ESRRG: variants seen among roughly 807,000 people sequenced by gnomAD.
The protein encoded by ESRRG is estrogen-related receptor gamma.
ESRRG carries 13 observed loss-of-function variants against 44.0 expected under a neutral mutation model. That is an observed-to-expected ratio of 0.30 (90% CI 0.19 to 0.47). The LOEUF (loss-of-function observed/expected upper bound fraction) is 0.47, where lower values mean the gene tolerates loss of function less well. Ranked by LOEUF, ESRRG falls within the 20% of genes least tolerant of loss-of-function variation. The pLI is 1.00. For synonymous variants in ESRRG, 215 were observed against 214.6 expected, an observed-to-expected ratio of 1.00 and a Z score of -0.02; for missense variants, 395 against 580.6, an observed-to-expected ratio of 0.68 and a Z score of 3.29.
intron 2 of ESRRG, among the ~76,000 whole-genome samples, chr1:216,772,010 A>C (rs555902860): frequency 6.6e-5 from 10 of 152,050 alleles, no homozygotes; most frequent in African/African-American, 1.9e-4. Context: ...TGAAGAGGAG[A>C]TGGCATCAGC....
chr1:216,810,266 T>C lies in ESRRG; in HGVS notation c.-14+129316A>G, dbSNP rs550867596. On this transcript the variant is annotated intron_variant, in intron 2 of 7. Transcript: ENST00000359162. ...AATGGCAGAAACGCTTGGCCCTTTT[T>C]TCTATGCCATCTATTCCTTTTGCTC... 3.3e-5 allele frequency among the ~76,000 whole-genome samples: 5 copies of C among 152,286 alleles called. No homozygotes were observed. In the East Asian group the frequency reaches 9.7e-4, roughly 29 times the overall value.
intron 1 of ESRRG, among the ~76,000 whole-genome samples, chr1:217,026,912 C>CACAGAGAGAG (rs1255637839): frequency 1.1e-4 from 10 of 93,470 alleles, no homozygotes; most frequent in African/African-American, 3.2e-4. Flanking sequence ...CACACACACA[C>CACAGAGAGAG]AGAGAGAGAG....
intron 1 of ESRRG, among the ~76,000 whole-genome samples, chr1:216,982,160 T>C (rs768304924): frequency 5.9e-5 from 9 of 152,156 alleles, no homozygotes; most frequent in Non-Finnish European, 1.3e-4. Flanking sequence ...TTACATCAAG[T>C]GTGTAACAGC....
chr1:216,630,018 G>A (rs891914698), intron 3 of ESRRG, among the ~76,000 whole-genome samples: 4 of 152,040 alleles, frequency 2.6e-5, no homozygotes, highest in South Asian at 4.1e-4. Context: ...AATTACCCAC[G>A]AAAATGAAAA....
intron 1 of ESRRG, among the ~76,000 whole-genome samples, chr1:217,068,456 G>A (rs549399239): frequency 6.6e-5 from 10 of 151,598 alleles, no homozygotes; most frequent in Middle Eastern, 6.8e-3. Flanking sequence ...TCCAAGACTG[G>A]AATCTCTAAG....
At chr1:216,643,344 G>A (rs10863260) in intron 3 of ESRRG, among the ~76,000 whole-genome samples, 36,310 of 151,974 alleles carry the variant, frequency 0.24, 4,474 homozygotes, top group East Asian at 0.39. Context: ...CAGAACATCT[G>A]GACAACTAAT....
intron 1 of ESRRG, among the ~76,000 whole-genome samples, chr1:216,964,287 G>A (rs1183362443): frequency 1.3e-5 from 2 of 152,138 alleles, no homozygotes; most frequent in East Asian, 3.9e-4. Flanking sequence ...AACTGCATGT[G>A]GAAGGGATCA....
At chr1:217,116,165 T>C (rs1433920601) in intron 1 of ESRRG, among the ~76,000 whole-genome samples, 2 of 152,188 alleles carry the variant, frequency 1.3e-5, no homozygotes, top group African/African-American at 4.8e-5. Flanking sequence ...ATAGATAAAA[T>C]AGATTAAGAT....
At chr1:216,511,633 T>C (rs1189955650) in intron 6 of ESRRG, among the ~76,000 whole-genome samples, 1 of 151,226 alleles carries the variant, frequency 6.6e-6, no homozygotes, top group Non-Finnish European at 1.5e-5. Context: ...GCAGATGATG[T>C]TGGCCTAGGA....
intron 2 of ESRRG, among the ~76,000 whole-genome samples, chr1:216,842,370 C>T (rs568069391): frequency 3.3e-5 from 5 of 152,204 alleles, no homozygotes; most frequent in South Asian, 2.1e-4. Context: ...CCTGTGCTTG[C>T]GTGGCACTCA....
chr1:216,865,191 A>AAG, intron 2 of ESRRG: 1 of 63,294 alleles, frequency 1.6e-5, no homozygotes, highest in Non-Finnish European at 4.1e-5. Context: ...GTGCAGCAAA[A>AAG]AAAAAAAAAA....
rs1328244187 is a variant in ESRRG, at chr1:216,723,192, C to A, written c.56+52G>T. On this transcript the variant is annotated intron_variant, in intron 1 of 6. Coordinates refer to ENST00000408911, the MANE Select transcript of ESRRG (RefSeq NM_001438.4). ...TGTAAAGATATAGTCTGTCCGCCCCCACCCCCGCACCCCCACGACGAGTTT... is the reference window on the plus strand; with the variant it reads ...TGTAAAGATATAGTCTGTCCGCCCCAACCCCCGCACCCCCACGACGAGTTT... The A allele has an allele frequency of 7.5e-6, 11 of 1,461,188 alleles. No individual in the cohort carries two copies. In the Middle Eastern group the frequency reaches 5.2e-4, roughly 69 times the overall value. The allele number at this position is 1,461,188 out of a possible 1,614,324, so 90.5% of individuals were successfully genotyped here. A position where few individuals can be genotyped will look rare whatever the true frequency, so the allele number is the denominator to read the frequency against.
chr1:216,531,877 T>C, intron 5 of ESRRG, among the ~76,000 whole-genome samples: 1 of 152,096 alleles, frequency 6.6e-6, no homozygotes. Flanking sequence ...CATTTACCTT[T>C]GTATCCCACC....
chr1:217,110,905 G>A (rs1394371466), intron 1 of ESRRG, among the ~76,000 whole-genome samples: 1 of 152,098 alleles, frequency 6.6e-6, no homozygotes, highest in Non-Finnish European at 1.5e-5. Flanking sequence ...TGTCTTTTCG[G>A]TTTCCAAGCC....
intron 3 of ESRRG, among the ~76,000 whole-genome samples, chr1:216,576,337 CT>C (rs35207125): frequency 0.18 from 26,170 of 145,666 alleles, 2,845 homozygotes; most frequent in Middle Eastern, 0.25. Context: ...ATTAGGAGGG[CT>C]TTTTTTTTTT....
At chr1:217,008,463 T>C (rs1048586242) in intron 1 of ESRRG, among the ~76,000 whole-genome samples, 12 of 152,224 alleles carry the variant, frequency 7.9e-5, no homozygotes, top group Admixed American at 1.3e-4. Flanking sequence ...AGGCAACCAG[T>C]AGGGAAAGAT....
intron 1 of ESRRG, among the ~76,000 whole-genome samples, chr1:217,047,909 A>G (rs2085183712): frequency 6.6e-6 from 1 of 152,218 alleles, no homozygotes; most frequent in Non-Finnish European, 1.5e-5. Context: ...AGAGAAAAGA[A>G]GTAGCCCACA....
chr1:216,705,380 A>G (rs1424842624), intron 1 of ESRRG, among the ~76,000 whole-genome samples: 1 of 152,182 alleles, frequency 6.6e-6, no homozygotes, highest in South Asian at 2.1e-4. Context: ...TGTGTAAATT[A>G]TTCACTAAAA....
chr1:217,107,489 T>A (rs1255678258), intron 1 of ESRRG, among the ~76,000 whole-genome samples: 1 of 152,202 alleles, frequency 6.6e-6, no homozygotes, highest in African/African-American at 2.4e-5. Context: ...TTGCACTTTT[T>A]CCCCCCTGGG....
Sources: gnomAD v4.1 joint callset for allele counts (sites outside exome capture counted in the v4.1 genomes callset) on GRCh38, gnomAD v4.1.1 for gene constraint, MANE v1.5 for transcripts, NCBI Gene and HGNC (gene_info 2026-07-23, HGNC 2026-07-21) for gene names.